MMP21: variants seen among roughly 807,000 people sequenced by gnomAD.
The protein encoded by MMP21 is matrix metallopeptidase 21.
A neutral mutation model predicts 47.8 loss-of-function variants in MMP21; 40 were observed. That is an observed-to-expected ratio of 0.84 (90% confidence interval 0.65 to 1.09). The LOEUF (loss-of-function observed/expected upper bound fraction) is 1.09. MMP21 is among the 50% of genes least tolerant of loss of function. The probability of loss-of-function intolerance (pLI) is 0.00; values close to 1 mark genes in which losing one functional copy is unlikely to be tolerated. For missense variants in MMP21, 747 were observed against 775.3 expected (o/e 0.96, Z 0.43); for synonymous variants, 341 against 318.0 (o/e 1.07, Z -0.77).
At chr10:125,767,488 A>G (rs746491489) in intron 6 of MMP21, 44 bp downstream of exon 6, 6 of 1,563,760 alleles carry the variant, frequency 3.8e-6, no homozygotes, top group Non-Finnish European at 5.3e-6. Flanking sequence ...AATCTCTATT[A>G]GGGATGACAG....
At position 125,772,784 on chromosome 10, in the gene MMP21, A is replaced by C. The variant is rs776850781; in HGVS notation, c.698-34T>G. ...GGGGAGGAGGAGTTGGTCCCGGTGAAGGATGAGTGCCCCCCATACAGACTC... is the reference window on the plus strand; with the variant it reads ...GGGGAGGAGGAGTTGGTCCCGGTGACGGATGAGTGCCCCCCATACAGACTC... On this transcript the variant is annotated intron_variant, in intron 2 of 6. Transcript: ENST00000368808. This position sits in a 1 kb window ranked among gnomAD's most constrained non-coding sequence, Gnocchi z 5.6. The C allele has an allele frequency of 5.0e-6, 8 of 1,606,438 alleles. No individual in the cohort carries two copies. In the South Asian group the frequency reaches 7.7e-5, roughly 15 times the overall value.
At position 125,775,702 on chromosome 10, in the gene MMP21, T is replaced by G. The variant is rs1247314995; in HGVS notation, c.120A>C (p.Pro40=). ...SRDRSDLEPS[P]LRQAKPIADL... is the part of the protein sequence containing the mutation. ...CGGCAATGGGCTTGGCCTGGCGCAGTGGGGACGGCTCCAGGTCCGAGCGGT... is the reference window on the plus strand; with the variant it reads ...CGGCAATGGGCTTGGCCTGGCGCAGGGGGGACGGCTCCAGGTCCGAGCGGT... The change falls in exon 1 of 7, where the codon CCA becomes CCC. Residue 40 remains proline (P), a synonymous_variant. Coordinates refer to ENST00000368808, the MANE Select transcript of MMP21 (RefSeq NM_147191.1). 6.2e-7 allele frequency: 1 copy of G among 1,613,242 alleles called. No homozygotes were observed. The highest frequency in any genetic ancestry group is 1.7e-5 in the Admixed American group (1 of 59,944).
intron 5 of MMP21, 56 bp from the exon 6 acceptor site, chr10:125,767,760 A>G (rs1476555348): frequency 1.9e-6 from 3 of 1,572,050 alleles, no homozygotes; most frequent in East Asian, 4.5e-5. Context: ...TCACGTGACA[A>G]AAAGGACAGT....
At position 125,772,765 on chromosome 10, in the gene MMP21, GA is replaced by G; in HGVS notation, c.698-16del. 1 of 1,610,446 alleles carries G rather than the reference GA, an allele frequency of 6.2e-7. No homozygotes were observed. The highest frequency in any genetic ancestry group is 1.3e-5 in the African/African-American group (1 of 75,016). On this transcript the variant is annotated splice_polypyrimidine_tract_variant and intron_variant, in intron 2 of 6. Coordinates refer to ENST00000368808, the MANE Select transcript of MMP21 (RefSeq NM_147191.1). The surrounding 1 kb of genome is among the most constrained non-coding windows in gnomAD (Gnocchi z 5.6). ...CAGGTGCCGGCCTGGCGAGGGGGAG[GA>G]GGAGTTGGTCCCGGTGAAGGATGAG...
At chr10:125,767,282 G>T (rs762170400) in intron 6 of MMP21, among the ~76,000 whole-genome samples, 72 of 152,100 alleles carry the variant, frequency 4.7e-4, no homozygotes, top group Non-Finnish European at 8.2e-4. Context: ...ACACAGGCAC[G>T]TGCCACCACA....
intron 6 of MMP21, 111 bp from the exon 7 acceptor site, chr10:125,767,072 T>A: frequency 1.2e-6 from 1 of 857,276 alleles, no homozygotes; most frequent in South Asian, 2.0e-5. Context: ...TCTTTAGACT[T>A]GAACTTCTTA....
intron 5 of MMP21, among the ~76,000 whole-genome samples, 174 bp downstream of exon 5, chr10:125,770,159 AT>A (rs1189630032): frequency 2.0e-5 from 3 of 152,152 alleles, no homozygotes; most frequent in Admixed American, 6.5e-5. Flanking sequence ...AACAAAAAAA[AT>A]GGAATACAAC....
chr10:125,774,054 C>A lies in MMP21; in HGVS notation c.474G>T (p.Gln158His). 6.9e-7 allele frequency: 1 copy of A among 1,456,820 alleles called. No individual in the cohort carries two copies. Among genetic ancestry groups the A allele is most frequent in the Non-Finnish European group, 9.0e-7 (1 of 1,107,914 alleles). 90.2% of individuals were successfully genotyped at this position (1,456,820 alleles called of 1,614,324 possible). Residue 158 changes from glutamine to histidine, a missense_variant, in exon 2 of 7, where the codon CAG becomes CAT. Gln to His is a conservative substitution (Grantham distance 24). Transcript: ENST00000368808. ...CTCCGCCGTCGGGGTAGCCCCGGGG[C>A]TGCCAACCCCGCCGGGACAAGGACA... ...APLSLSRRGW[Q>H]PRGYPDGGAA...
In MMP21 at chr10:125,771,754, G is replaced by A. The variant is rs377019336; in HGVS notation, c.979+464C>T. On this transcript the variant is annotated intron_variant, in intron 4 of 6. Coordinates refer to ENST00000368808, the MANE Select transcript of MMP21 (RefSeq NM_147191.1). ...GGACAGCTTTCTTCCCTTGGGCCTC[G>A]GTACTAAATCACTAACCACTTTAAT... Among the ~76,000 whole-genome samples the A allele has an allele frequency of 6.6e-5, 10 of 152,098 alleles. 1 individual carries two copies. The highest frequency in any genetic ancestry group is 5.2e-4 in the Admixed American group (8 of 15,266).
rs1463004657 is a variant in MMP21 at position 125,772,719 on chromosome 10, A to G, written c.729T>C (p.Asp243=). 10 of 1,613,962 alleles carry G rather than the reference A, an allele frequency of 6.2e-6. No individual in the cohort carries two copies. Among genetic ancestry groups the G allele is most frequent in the Non-Finnish European group, 8.5e-6 (10 of 1,180,024 alleles). Residue 243 remains aspartate, a synonymous_variant, in exon 3 of 7, where the codon GAT becomes GAC. Coordinates refer to ENST00000368808, the MANE Select transcript of MMP21 (RefSeq NM_147191.1). The surrounding 1 kb of genome is among the most constrained non-coding windows in gnomAD (Gnocchi z 5.6). ...CGTGTGCAAACTCCTGCCCGCTCCC[A>G]TCGAAGGCCCGCGGACAGCCCAGGT... ...GRHLGCPRAF[D]GSGQEFAHAW... is the part of the protein sequence containing the mutation.
At chr10:125,770,267 T>C (rs1254600338) in intron 5 of MMP21, 67 bp downstream of exon 5, 6 of 1,531,578 alleles carry the variant, frequency 3.9e-6, no homozygotes, top group Non-Finnish European at 5.4e-6. Flanking sequence ...TGGTAGGGGC[T>C]CAAGACATTC....
In MMP21 at chr10:125,766,808, T is replaced by A. The variant is rs1850391198; in HGVS notation, c.1564A>T (p.Lys522Ter). 1.9e-6 allele frequency: 3 copies of A among 1,613,876 alleles called. No individual in the cohort carries two copies. The highest frequency in any genetic ancestry group is 2.5e-6 in the Non-Finnish European group (3 of 1,179,964). The change falls in exon 7 of 7, where the codon AAA becomes TAA. Residue 522 changes from lysine to a stop codon, truncating the protein, a stop_gained. Coordinates refer to ENST00000368808, the MANE Select transcript of MMP21 (RefSeq NM_147191.1). LOFTEE classifies it low-confidence loss of function (END_TRUNC). ...ACTACCTTCCAGTATGCATTGCCTT[T>A]GAAAAAGAAAATGGAGTTGTATGCA... ...SYAYNSIFFF[K>*]GNAYWKVVND...
rs1297191988 is a variant in MMP21, at chr10:125,772,416, A to ATAACAG, written c.838-63_838-58dup. ...TGAAGCCTGGGCGATGGATCCCTGC[A>ATAACAG]TAACAGACGCAGGCCTGTGCTTCGA... is the stretch of plus-strand genomic sequence containing the variant. On this transcript the variant is annotated intron_variant, in intron 3 of 6. Transcript: ENST00000368808. This position sits in a 1 kb window ranked among gnomAD's most constrained non-coding sequence, Gnocchi z 5.6. 5.0e-6 allele frequency: 8 copies of ATAACAG among 1,606,852 alleles called. No homozygotes were observed. The highest frequency in any genetic ancestry group is 6.8e-6 in the Non-Finnish European group (8 of 1,175,222).
chr10:125,775,764 A>G lies in MMP21; in HGVS notation c.58T>C (p.Trp20Arg), dbSNP rs1589895552. 1 of 1,613,336 alleles carries G rather than the reference A, an allele frequency of 6.2e-7. No homozygotes were observed. Residue 20 changes from tryptophan to arginine, a missense_variant, in exon 1 of 7, where the codon TGG becomes CGG. By Grantham distance (101) the Trp-to-Arg change is moderately radical. Transcript: ENST00000368808. ...AAGAGACTCTCGGGCTGGGTGGGCC[A>G]GGGAGCAGCCAGCCAGCAGAGCAGC... ...TLLLCWLAAPWPTQPESLFHS... is the reference protein window; with the variant it reads ...TLLLCWLAAPRPTQPESLFHS...
chr10:125,770,485 G>A lies in MMP21; in HGVS notation c.1086C>T (p.Ser362=). Reference sequence around the variant, plus strand: ...TTCGATTTTCATAAAGCCAGTACCAGCTGTTACGGAAGAAATATGTGCTAA... The same window carrying A: ...TTCGATTTTCATAAAGCCAGTACCAACTGTTACGGAAGAAATATGTGCTAA... ...VRFSTYFFRN[S]WYWLYENRNN... is the part of the protein sequence containing the mutation. The change falls in exon 5 of 7, where the codon AGC becomes AGT. Residue 362 remains serine (S), a synonymous_variant. Transcript: ENST00000368808. 1 of 1,614,158 alleles carries A rather than the reference G, an allele frequency of 6.2e-7. No homozygotes were observed. The highest frequency in any genetic ancestry group is 1.1e-5 in the South Asian group (1 of 91,076).
intron 5 of MMP21, 29 bp downstream of exon 5, chr10:125,770,305 A>G: frequency 6.2e-7 from 1 of 1,611,990 alleles, no homozygotes; most frequent in Non-Finnish European, 8.5e-7. Flanking sequence ...TTAATGAGAG[A>G]AATAGAACCA....
At position 125,766,888 on chromosome 10, in the gene MMP21, G is replaced by A; in HGVS notation, c.1484C>T (p.Ala495Val). 1 of 1,612,944 alleles carries A rather than the reference G, an allele frequency of 6.2e-7. No homozygotes were observed. The highest frequency in any genetic ancestry group is 8.5e-7 in the Non-Finnish European group (1 of 1,179,634). Residue 495 changes from alanine (A) to valine (V), a missense_variant, in exon 7 of 7, where the codon GCA becomes GTA. Ala to Val is a moderately conservative substitution (Grantham distance 64). Coordinates refer to ENST00000368808, the MANE Select transcript of MMP21 (RefSeq NM_147191.1). ...YPKRITEVFPAVIPQNHPFRN... is the reference protein window; with the variant it reads ...YPKRITEVFPVVIPQNHPFRN... ...GAAAGGATGATTTTGTGGTATTACT[G>A]CTGGAAAAACTTCAGTAATCCTCTT...
chr10:125,774,060 A>AC lies in MMP21; in HGVS notation c.467dup (p.Trp157LeufsTer101). ...CGTCGGGGTAGCCCCGGGGCTGCCAACCCCGCCGGGACAAGGACAGCGGCG... is the reference window on the plus strand; with the variant it reads ...CGTCGGGGTAGCCCCGGGGCTGCCAACCCCCGCCGGGACAAGGACAGCGGCG... On this transcript the variant is annotated frameshift_variant, in exon 2 of 7. Coordinates refer to ENST00000368808, the MANE Select transcript of MMP21 (RefSeq NM_147191.1). LOFTEE classifies it high-confidence loss of function. 6.9e-7 allele frequency: 1 copy of AC among 1,447,144 alleles called. No homozygotes were observed. Among genetic ancestry groups the AC allele is most frequent in the South Asian group, 1.4e-5 (1 of 73,570 alleles). 89.6% of individuals were successfully genotyped at this position (1,447,144 alleles called of 1,614,324 possible).
rs61754771 is a variant in MMP21, at chr10:125,772,294, C to T, written c.903G>A (p.Met301Ile). Residue 301 changes from methionine (M) to isoleucine (I), a missense_variant, in exon 4 of 7, where the codon ATG becomes ATA. Coordinates refer to ENST00000368808, the MANE Select transcript of MMP21 (RefSeq NM_147191.1). The surrounding 1 kb of genome is among the most constrained non-coding windows in gnomAD (Gnocchi z 5.6). Reference protein sequence around the residue: ...LPHTYRTGSIMQPNYIPQEPA... With the variant: ...LPHTYRTGSIIQPNYIPQEPA... ...GCTCCTGGGGAATGTAATTTGGTTG[C>T]ATTATGGATCCCGTCCTGTAGGTGT... is the stretch of plus-strand genomic sequence containing the variant. 29 of 1,614,074 alleles carry T rather than the reference C, an allele frequency of 1.8e-5. No homozygotes were observed. Among genetic ancestry groups the T allele is most frequent in the Non-Finnish European group, 2.5e-5 (29 of 1,180,040 alleles).
Sources: gnomAD v4.1 joint callset for allele counts (sites outside exome capture counted in the v4.1 genomes callset) on GRCh38, gnomAD v4.1.1 for gene constraint, Gnocchi (gnomAD v3.1) non-coding constraint, MANE v1.5 for transcripts, NCBI Gene and HGNC (gene_info 2026-07-23, HGNC 2026-07-21) for gene names.